RFC3: variants seen among roughly 807,000 people sequenced by gnomAD.
The protein encoded by RFC3 is A1 38 kDa subunit.
Under a neutral mutation model 45.1 loss-of-function variants are expected in RFC3, and 41 were observed. The ratio of observed to expected loss-of-function variants is 0.91; its 90% CI spans 0.71 to 1.18. The LOEUF (loss-of-function observed/expected upper bound fraction) is 1.18, where lower values mean the gene tolerates loss of function less well. Among genes scored for constraint, RFC3 ranks in the 50% most tolerant of loss-of-function variants. The probability of loss-of-function intolerance (pLI) is 0.00; values close to 1 mark genes in which losing one functional copy is unlikely to be tolerated. For synonymous variants in RFC3, 149 were observed against 144.0 expected (o/e 1.03, Z -0.25); for missense variants, 423 against 428.1 (o/e 0.99, Z 0.10).
At chr13:33,869,454 C>A (rs538678366) in intron 8 of RFC3, among the ~76,000 whole-genome samples, 68 of 150,334 alleles carry the variant, frequency 4.5e-4, no homozygotes, top group Non-Finnish European at 8.0e-4. Flanking sequence ...TGCTTTTTTT[C>A]ACAGAAGAAA....
At chr13:33,971,492 G>C (rs1226045892), downstream of RFC3, among the ~76,000 whole-genome samples, 2 of 152,236 alleles carry the variant, frequency 1.3e-5, no homozygotes, top group African/African-American at 2.4e-5. Context: ...CAAAGGGCCA[G>C]ATCATAAATA....
At chr13:33,965,545 C>G (rs1411562355) in intron 8 of RFC3, among the ~76,000 whole-genome samples, 1 of 152,108 alleles carries the variant, frequency 6.6e-6, no homozygotes, top group Admixed American at 6.5e-5. Flanking sequence ...GAAAGTATCT[C>G]TATCATGAAG....
intron 8 of RFC3, among the ~76,000 whole-genome samples, chr13:33,884,745 G>A (rs1024296536): frequency 8.5e-5 from 13 of 152,204 alleles, no homozygotes. Flanking sequence ...CAGGGCTGAA[G>A]TATATCTGAG....
intron 8 of RFC3, among the ~76,000 whole-genome samples, chr13:33,904,182 T>C (rs573248978): frequency 6.6e-6 from 1 of 152,108 alleles, no homozygotes; most frequent in Non-Finnish European, 1.5e-5. Context: ...CAGCCTCTAG[T>C]ACATTTCCTG....
intron 8 of RFC3, among the ~76,000 whole-genome samples, chr13:33,909,312 T>C (rs941007757): frequency 2.6e-5 from 4 of 152,042 alleles, no homozygotes; most frequent in Admixed American, 1.3e-4. Flanking sequence ...TCTGAGGTAA[T>C]GAGAGGCCAC....
At chr13:33,942,419 G>A (rs1380481338) in intron 8 of RFC3, among the ~76,000 whole-genome samples, 1 of 152,020 alleles carries the variant, frequency 6.6e-6, no homozygotes, top group Non-Finnish European at 1.5e-5. Context: ...ATCAAATCAG[G>A]GTAATTGGGG....
At chr13:33,954,297 A>G (rs866608785) in intron 8 of RFC3, among the ~76,000 whole-genome samples, 4 of 152,230 alleles carry the variant, frequency 2.6e-5, no homozygotes, top group African/African-American at 9.6e-5. Flanking sequence ...AGCTAAGGAA[A>G]AAGATCACAA....
At chr13:33,895,667 C>A in intron 8 of RFC3, among the ~76,000 whole-genome samples, 2 of 152,090 alleles carry the variant, frequency 1.3e-5, no homozygotes, top group Admixed American at 1.3e-4. Context: ...TATCTATACA[C>A]AGGGAAAAAG....
chr13:33,864,442 A>G (rs975597628), intron 8 of RFC3, among the ~76,000 whole-genome samples: 6 of 152,086 alleles, frequency 3.9e-5, no homozygotes, highest in African/African-American at 1.4e-4. Context: ...GTCTTCTTTC[A>G]GTTCTTGGAT....
intron 8 of RFC3, among the ~76,000 whole-genome samples, chr13:33,940,652 CAT>C (rs748282426): frequency 6.6e-6 from 1 of 152,116 alleles, no homozygotes; most frequent in Non-Finnish European, 1.5e-5. Flanking sequence ...CCTTGTCTGT[CAT>C]ATCTTATTTT....
chr13:33,926,003 A>G (rs946080519), intron 8 of RFC3, among the ~76,000 whole-genome samples: 13 of 151,968 alleles, frequency 8.6e-5, no homozygotes, highest in Non-Finnish European at 1.5e-4. Context: ...TGTGGCACAT[A>G]TACACCATGG....
chr13:33,928,315 A>G (rs2082828821), intron 8 of RFC3, among the ~76,000 whole-genome samples: 1 of 152,112 alleles, frequency 6.6e-6, no homozygotes, highest in African/African-American at 2.4e-5. Context: ...AGGGACATAC[A>G]CTTATGTATT....
downstream of RFC3, among the ~76,000 whole-genome samples, chr13:33,969,516 C>T (rs1163357219): frequency 2.6e-5 from 4 of 152,168 alleles, no homozygotes; most frequent in African/African-American, 9.7e-5. Context: ...ACATGTGTGA[C>T]TATTTCCAAG....
At chr13:33,855,550 A>G (rs1242048110) in intron 8 of RFC3, among the ~76,000 whole-genome samples, 1 of 152,196 alleles carries the variant, frequency 6.6e-6, no homozygotes, top group East Asian at 1.9e-4. Flanking sequence ...AGGAAGTGCC[A>G]CACTGCATTC....
chr13:33,835,538 A>G lies in RFC3; in HGVS notation c.879+321A>G, dbSNP rs1184912924. 5.9e-6 allele frequency: 3 copies of G among 505,730 alleles called. No individual in the cohort carries two copies. In the Admixed American group the frequency reaches 7.5e-5, roughly 13 times the overall value. The allele number at this position is 505,730 out of a possible 1,614,324, so 31.3% of individuals were successfully genotyped here. ...GATAATGGAGGGTGGGGCTACAAAG[A>G]AAAAAGTGAAGTTCCACCCATCCGT... On this transcript the variant is annotated intron_variant, in intron 8 of 8. Transcript: ENST00000380071.
At chr13:33,926,878 G>T (rs573423472) in intron 8 of RFC3, among the ~76,000 whole-genome samples, 10 of 150,348 alleles carry the variant, frequency 6.7e-5, no homozygotes, top group Non-Finnish European at 1.2e-4. Context: ...TATTAATTAG[G>T]AAATAATGGC....
At chr13:33,926,185 A>G (rs1489077867) in intron 8 of RFC3, among the ~76,000 whole-genome samples, 1 of 130,716 alleles carries the variant, frequency 7.7e-6, no homozygotes, top group Admixed American at 9.2e-5. Flanking sequence ...AGGAAGGGGA[A>G]CATCACACTC....
intron 8 of RFC3, chr13:33,850,387 GTATC>G (rs1297748993): frequency 6.6e-6 from 1 of 152,006 alleles, no homozygotes; most frequent in Non-Finnish European, 1.5e-5. Flanking sequence ...ATAATAAAAT[GTATC>G]TATTTTGAAG....
At chr13:33,960,655 CAGT>C (rs2137862166) in intron 8 of RFC3, among the ~76,000 whole-genome samples, 1 of 120,064 alleles carries the variant, frequency 8.3e-6, no homozygotes, top group South Asian at 3.4e-4. Context: ...ACTGGAAAAT[CAGT>C]ACACAGAAGG....
Sources: allele counts gnomAD v4.1 joint callset (sites outside exome capture counted in the v4.1 genomes callset), GRCh38; gene constraint gnomAD v4.1.1; transcripts MANE v1.5; gene names NCBI Gene and HGNC (gene_info 2026-07-23, HGNC 2026-07-21).